CPNE3: variants seen among roughly 807,000 people sequenced by gnomAD.
CPNE3 encodes copine 3, also known as copine-3.
CPNE3 carries 68 observed loss-of-function variants against 63.9 expected under a neutral mutation model. That is an observed-to-expected ratio of 1.06 (90% CI 0.87 to 1.30). The LOEUF is 1.30. Among genes scored for constraint, CPNE3 ranks in the 50% most tolerant of loss-of-function variants. The pLI, the probability that CPNE3 is intolerant of heterozygous loss-of-function variation, is 0.00. For synonymous variants in CPNE3, 219 were observed against 197.5 expected, an observed-to-expected ratio of 1.11 and a Z score of -0.91; for missense variants, 665 against 578.1, an observed-to-expected ratio of 1.15 and a Z score of -1.54.
intron 2 of CPNE3, among the ~76,000 whole-genome samples, chr8:86,517,631 G>A (rs1820343300): frequency 6.6e-6 from 1 of 152,192 alleles, no homozygotes; most frequent in East Asian, 1.9e-4. Flanking sequence ...TATAAAATAT[G>A]TAAAATTGCA....
chr8:86,534,179 A>C (rs1820750016), intron 6 of CPNE3, among the ~76,000 whole-genome samples: 1 of 151,316 alleles, frequency 6.6e-6, no homozygotes, highest in Non-Finnish European at 1.5e-5. Context: ...TTCTCTCTCT[A>C]CTTTTATTTT....
At chr8:86,515,219 G>A (rs939238576) in intron 1 of CPNE3, 6 of 152,216 alleles carry the variant, frequency 3.9e-5, no homozygotes, top group Non-Finnish European at 8.8e-5. Context: ...GAACCCGTTG[G>A]GACCGAGCAG....
rs758180183 is a variant in CPNE3 at position 86,558,282 on chromosome 8, C to T, written c.1492-6C>T. 1 of 872,742 alleles carries T rather than the reference C, an allele frequency of 1.1e-6. No individual in the cohort carries two copies. The highest frequency in any genetic ancestry group is 2.4e-5 in the East Asian group (1 of 41,690). The allele number at this position is 872,742 out of a possible 1,614,324, so 54.1% of individuals were successfully genotyped here. ...ATAAAGTCACTTTTATTTTGTTTTTCACAAGGCTCCAAAAGAAGCACTTGC... is the reference window on the plus strand; with the variant it reads ...ATAAAGTCACTTTTATTTTGTTTTTTACAAGGCTCCAAAAGAAGCACTTGC... On this transcript the variant is annotated splice_polypyrimidine_tract_variant and splice_region_variant and intron_variant, in intron 16 of 16. Coordinates refer to ENST00000517490, the MANE Select transcript of CPNE3 (RefSeq NM_003909.5).
At chr8:86,535,591 C>T (rs1254567122) in intron 6 of CPNE3, among the ~76,000 whole-genome samples, 1 of 151,956 alleles carries the variant, frequency 6.6e-6, no homozygotes, top group African/African-American at 2.4e-5. Context: ...TTGCTTGAAC[C>T]CAGGAGGGGG....
Position 86,537,966 on chromosome 8 carries a change from GTCTCTCTC to G in CPNE3, c.543+335_543+342del, listed in dbSNP as rs72165946. On this transcript the variant is annotated intron_variant, in intron 7 of 16. Transcript: ENST00000517490. ...TCTTTCTCTATCTCTGTCCCTCTCTGTCTCTCTCTCTCTCTCTCTCTCACACACACACA... is the reference window on the plus strand; with the variant it reads ...TCTTTCTCTATCTCTGTCCCTCTCTGTCTCTCTCTCTCTCACACACACACA... Among the ~76,000 whole-genome samples the G allele has an allele frequency of 8.4e-5, 12 of 142,972 alleles. No individual in the cohort carries two copies. In the East Asian group the frequency reaches 2.5e-3, roughly 30 times the overall value. 93.8% of individuals were successfully genotyped at this position (142,972 alleles called of 152,430 possible). A position where few individuals can be genotyped will look rare whatever the true frequency, so the allele number is the denominator to read the frequency against.
At chr8:86,534,278 T>A (rs562073635) in intron 6 of CPNE3, among the ~76,000 whole-genome samples, 2 of 152,336 alleles carry the variant, frequency 1.3e-5, no homozygotes, top group Admixed American at 6.5e-5. Flanking sequence ...AATGGTGGCA[T>A]GTAATTCCAT....
chr8:86,516,246 G>T (rs183320301), intron 2 of CPNE3, among the ~76,000 whole-genome samples: 1 of 152,200 alleles, frequency 6.6e-6, no homozygotes. Context: ...CTTCTTTCAG[G>T]TCTAGTCCCT....
Position 86,528,979 on chromosome 8 carries a change from A to G in CPNE3, c.167A>G (p.Asn56Ser), listed in dbSNP as rs766147441. 3 of 1,613,710 alleles carry G rather than the reference A, an allele frequency of 1.9e-6. No homozygotes were observed. Among genetic ancestry groups the G allele is most frequent in the Non-Finnish European group, 2.5e-6 (3 of 1,179,946 alleles). Residue 56 changes from asparagine to serine, a missense_variant, in exon 4 of 17, where the codon AAT becomes AGT. By Grantham distance (46) the Asn-to-Ser change is conservative. Coordinates refer to ENST00000517490, the MANE Select transcript of CPNE3 (RefSeq NM_003909.5). ...ACAGAAAGGATTAAGAATTGCTTGA[A>G]TCCCCAATTTTCCAAGACATTTATT... Reference protein sequence around the residue: ...ERTERIKNCLNPQFSKTFIID... With the variant: ...ERTERIKNCLSPQFSKTFIID...
At chr8:86,535,695 G>A (rs1038531977) in intron 6 of CPNE3, among the ~76,000 whole-genome samples, 3 of 151,888 alleles carry the variant, frequency 2.0e-5, no homozygotes, top group Middle Eastern at 3.4e-3. Context: ...AGAATTACAG[G>A]CACTTATTTT....
intron 15 of CPNE3, 104 bp downstream of exon 15, chr8:86,555,088 GATACA>G: frequency 6.7e-7 from 1 of 1,483,820 alleles, no homozygotes; most frequent in Non-Finnish European, 9.0e-7. Flanking sequence ...GTCAGGGCAA[GATACA>G]ATAACACAGT....
intron 11 of CPNE3, 32 bp downstream of exon 11, chr8:86,547,802 C>G (rs1250016307): frequency 1.0e-6 from 1 of 967,358 alleles, no homozygotes. Flanking sequence ...TCAGCATAGG[C>G]TTTTTCCTCC....
chr8:86,544,656 C>T, intron 8 of CPNE3, 84 bp from the exon 9 acceptor site: 1 of 595,992 alleles, frequency 1.7e-6, no homozygotes, highest in Non-Finnish European at 2.4e-6. Flanking sequence ...AAGGGCACTT[C>T]ATGATAGGTT....
chr8:86,551,314 T>A, intron 14 of CPNE3, 80 bp downstream of exon 14: 2 of 1,035,888 alleles, frequency 1.9e-6, no homozygotes, highest in Non-Finnish European at 2.9e-6. Flanking sequence ...TTCTTTGTTT[T>A]TTTTCTTGTG....
intron 14 of CPNE3, 97 bp from the exon 15 acceptor site, chr8:86,554,754 T>C (rs899185190): frequency 2.8e-6 from 4 of 1,436,442 alleles, no homozygotes; most frequent in Non-Finnish European, 3.8e-6. Context: ...TAAAGCACTA[T>C]ATGTTGATAC....
intron 7 of CPNE3, among the ~76,000 whole-genome samples, chr8:86,538,674 A>G (rs1820860353): frequency 6.6e-6 from 1 of 152,144 alleles, no homozygotes; most frequent in Non-Finnish European, 1.5e-5. Flanking sequence ...AATCAAGACC[A>G]GAATGTCCAA....
chr8:86,535,260 G>A (rs967919829), intron 6 of CPNE3, among the ~76,000 whole-genome samples: 7 of 151,586 alleles, frequency 4.6e-5, no homozygotes, highest in African/African-American at 1.7e-4. Flanking sequence ...GGTACTCACT[G>A]TTGTGGGTTA....
At chr8:86,524,009 G>C (rs1313232642) in intron 2 of CPNE3, among the ~76,000 whole-genome samples, 2 of 152,198 alleles carry the variant, frequency 1.3e-5, no homozygotes, top group Non-Finnish European at 2.9e-5. Context: ...TTAATCAGAA[G>C]TGATAAAACC....
At chr8:86,517,802 T>G (rs1203461913) in intron 2 of CPNE3, among the ~76,000 whole-genome samples, 1 of 152,216 alleles carries the variant, frequency 6.6e-6, no homozygotes, top group Non-Finnish European at 1.5e-5. Flanking sequence ...GCTTTGTTTA[T>G]TGTTGGCTCT....
At chr8:86,517,066 A>G (rs933126482) in intron 2 of CPNE3, among the ~76,000 whole-genome samples, 5 of 152,106 alleles carry the variant, frequency 3.3e-5, no homozygotes, top group Non-Finnish European at 7.4e-5. Flanking sequence ...CCTTCAGCCT[A>G]CAATCTAGCT....
Sources: allele counts gnomAD v4.1 joint callset (sites outside exome capture counted in the v4.1 genomes callset), GRCh38; gene constraint gnomAD v4.1.1; transcripts MANE v1.5; gene names NCBI Gene and HGNC (gene_info 2026-07-23, HGNC 2026-07-21).